TBC1D1: variants seen among roughly 807,000 people sequenced by gnomAD.
TBC1D1 encodes TBC1 (tre-2/USP6, BUB2, cdc16) domain family, member 1.
TBC1D1 carries 89 observed loss-of-function variants against 125.6 expected under a neutral mutation model. The ratio of observed to expected loss-of-function variants is 0.71; its 90% CI spans 0.60 to 0.85. TBC1D1 has a LOEUF of 0.85. Ranked by LOEUF, TBC1D1 falls within the 40% of genes least tolerant of loss-of-function variation. TBC1D1 has a pLI of 0.00. For missense variants in TBC1D1, 1,377 were observed against 1,469.2 expected, an observed-to-expected ratio of 0.94 and a Z score of 1.03; for synonymous variants, 565 against 564.1, an observed-to-expected ratio of 1.00 and a Z score of -0.02.
At chr4:38,033,537 T>C (rs1746616939) in intron 7 of TBC1D1, among the ~76,000 whole-genome samples, 1 of 152,216 alleles carries the variant, frequency 6.6e-6, no homozygotes, top group African/African-American at 2.4e-5. Flanking sequence ...TTATAATTGA[T>C]GAGCCAATAT....
rs1737540081 is a variant in TBC1D1 at position 37,995,210 on chromosome 4, T to C, written c.418-19299T>C. 6.6e-6 allele frequency among the ~76,000 whole-genome samples: 1 copy of C among 152,178 alleles called. No individual in the cohort carries two copies. The highest frequency in any genetic ancestry group is 1.5e-5 in the Non-Finnish European group (1 of 68,022). On this transcript the variant is annotated intron_variant, in intron 2 of 19. Transcript: ENST00000261439. This position sits in a 1 kb window ranked among gnomAD's most constrained non-coding sequence, Gnocchi z 4.3. ...AGGAGATGAGATTTTCTTCCTCATA[T>C]GCTAGGAGCCTGGACAGATAAAGGT...
At chr4:38,018,323 A>G in intron 3 of TBC1D1, 31 bp from the exon 4 acceptor site, 2 of 1,523,660 alleles carry the variant, frequency 1.3e-6, no homozygotes, top group Non-Finnish European at 1.8e-6. Context: ...AGAAAGTTTG[A>G]AAAGCTAGAT....
At chr4:38,021,248 C>T (rs574386770) in intron 5 of TBC1D1, among the ~76,000 whole-genome samples, 2 of 152,270 alleles carry the variant, frequency 1.3e-5, no homozygotes, top group South Asian at 4.1e-4. Context: ...CATAGAACAG[C>T]ACAGGAAAGA....
intron 2 of TBC1D1, among the ~76,000 whole-genome samples, chr4:38,001,322 C>T (rs953912175): frequency 3.3e-5 from 5 of 152,160 alleles, no homozygotes; most frequent in African/African-American, 1.2e-4. Flanking sequence ...TTAGAGCTTC[C>T]ATGCCTCTTT....
At position 38,089,923 on chromosome 4, in the gene TBC1D1, C is replaced by T; in HGVS notation, c.2051-9C>T. 3.9e-6 allele frequency: 6 copies of T among 1,553,676 alleles called. No homozygotes were observed. In the South Asian group the frequency reaches 4.9e-5, roughly 13 times the overall value. ...AATGACAATTCTGGAATGCCGTCTC[C>T]CTTTCCAGATTATTCAGAGCTGGGA... On this transcript the variant is annotated splice_polypyrimidine_tract_variant and intron_variant, in intron 12 of 19. Transcript: ENST00000261439.
At chr4:38,083,670 A>G (rs900161022) in intron 12 of TBC1D1, among the ~76,000 whole-genome samples, 3 of 152,256 alleles carry the variant, frequency 2.0e-5, no homozygotes, top group Non-Finnish European at 2.9e-5. Context: ...AAGTGATCAG[A>G]TAACCTGTTT....
At chr4:38,028,131 A>G (rs765368906) in intron 7 of TBC1D1, among the ~76,000 whole-genome samples, 1 of 144,120 alleles carries the variant, frequency 6.9e-6, no homozygotes, top group Non-Finnish European at 1.5e-5. Context: ...ACAAACAAAC[A>G]AAAAAAACAG....
chr4:38,018,939 T>G (rs1028906426), intron 4 of TBC1D1, among the ~76,000 whole-genome samples: 1 of 152,182 alleles, frequency 6.6e-6, no homozygotes, highest in African/African-American at 2.4e-5. Flanking sequence ...ATTAGATCTA[T>G]TTCTACTTTA....
intron 8 of TBC1D1, among the ~76,000 whole-genome samples, chr4:38,040,094 A>C (rs567069915): frequency 6.6e-6 from 1 of 152,148 alleles, no homozygotes; most frequent in African/African-American, 2.4e-5. Flanking sequence ...TAAACATTTT[A>C]TTTTAATTAT....
At chr4:38,050,054 G>A (rs1750213637) in intron 11 of TBC1D1, among the ~76,000 whole-genome samples, 156 bp downstream of exon 11, 1 of 152,208 alleles carries the variant, frequency 6.6e-6, no homozygotes, top group Admixed American at 6.5e-5. Context: ...GTTCGTTCGA[G>A]CTGCTTGTGA....
At position 38,014,981 on chromosome 4, in the gene TBC1D1, A is replaced by G. The variant is rs756910918; in HGVS notation, c.882+8A>G. 1 of 1,523,934 alleles carries G rather than the reference A, an allele frequency of 6.6e-7. No individual in the cohort carries two copies. The highest frequency in any genetic ancestry group is 8.8e-7 in the Non-Finnish European group (1 of 1,133,392). 94.4% of individuals were successfully genotyped at this position (1,523,934 alleles called of 1,614,324 possible). ...CGAACTATGCTCTTCACGGTAAAATATCACCCAGCTCGTGCACAGCCCCAG... is the reference window on the plus strand; with the variant it reads ...CGAACTATGCTCTTCACGGTAAAATGTCACCCAGCTCGTGCACAGCCCCAG... On this transcript the variant is annotated splice_region_variant and intron_variant, in intron 3 of 19. Coordinates refer to ENST00000261439, the MANE Select transcript of TBC1D1 (RefSeq NM_015173.4). The surrounding 1 kb of genome is among the most constrained non-coding windows in gnomAD (Gnocchi z 5.1).
chr4:38,033,505 T>C (rs1746611538), intron 7 of TBC1D1, among the ~76,000 whole-genome samples: 1 of 152,208 alleles, frequency 6.6e-6, no homozygotes, highest in Non-Finnish European at 1.5e-5. Context: ...TAACATATCT[T>C]GCATTACTGA....
At chr4:38,129,349 G>A (rs750753696) in intron 18 of TBC1D1, among the ~76,000 whole-genome samples, 19 of 152,188 alleles carry the variant, frequency 1.2e-4, no homozygotes, top group Admixed American at 2.0e-4. Flanking sequence ...GAGTAGTTTT[G>A]TACGAGGACA....
intron 14 of TBC1D1, among the ~76,000 whole-genome samples, chr4:38,098,853 C>G (rs1471177887): frequency 6.6e-6 from 1 of 151,806 alleles, no homozygotes; most frequent in East Asian, 1.9e-4. Context: ...CATAAAAGAC[C>G]CTGAAGTGAT....
Position 38,001,209 on chromosome 4 carries a change from G to A in TBC1D1, c.418-13300G>A, listed in dbSNP as rs537577565. Among the ~76,000 whole-genome samples the A allele has an allele frequency of 1.1e-3, 162 of 144,680 alleles. 1 individual carries two copies. Among genetic ancestry groups the A allele is most frequent in the African/African-American group, 4.2e-3 (155 of 36,794 alleles). 94.9% of individuals were successfully genotyped at this position (144,680 alleles called of 152,430 possible). Reference sequence around the variant, plus strand: ...GACTCCAGCCTGAGCAACAGAGTAAGACTCCGTCTCAAAAAAAGAAAGAAA... The same window carrying A: ...GACTCCAGCCTGAGCAACAGAGTAAAACTCCGTCTCAAAAAAAGAAAGAAA... On this transcript the variant is annotated intron_variant, in intron 2 of 19. Transcript: ENST00000261439.
At chr4:38,063,608 C>A (rs58077718) in intron 12 of TBC1D1, among the ~76,000 whole-genome samples, 21,582 of 151,970 alleles carry the variant, frequency 0.14, 1,653 homozygotes, top group Non-Finnish European at 0.15. Context: ...AGTTGTGTGA[C>A]CATGACCACA....
At chr4:37,986,142 G>A (rs1199262865) in intron 2 of TBC1D1, among the ~76,000 whole-genome samples, 1 of 152,162 alleles carries the variant, frequency 6.6e-6, no homozygotes, top group Non-Finnish European at 1.5e-5. Flanking sequence ...GCTTAGGGTG[G>A]TGGTCATTCT....
rs1310328203 is a variant in TBC1D1, at chr4:37,891,230, G to T, written c.-212G>T. ...GCCCCCTCCCCGTCCCCCCGCGGCG[G>T]GAAGAGCGCAGCCAGCCGGGTGCGA... On this transcript the variant is annotated 5_prime_UTR_variant, in exon 1 of 20. Coordinates refer to ENST00000261439, the MANE Select transcript of TBC1D1 (RefSeq NM_015173.4). The T allele has an allele frequency of 6.5e-6, 1 of 152,850 alleles. No homozygotes were observed. The highest frequency in any genetic ancestry group is 1.5e-5 in the Non-Finnish European group (1 of 68,688). 9.5% of individuals were successfully genotyped at this position (152,850 alleles called of 1,614,324 possible). A position where few individuals can be genotyped will look rare whatever the true frequency, so the allele number is the denominator to read the frequency against.
At chr4:38,082,820 A>G (rs945296038) in intron 12 of TBC1D1, among the ~76,000 whole-genome samples, 4 of 152,036 alleles carry the variant, frequency 2.6e-5, no homozygotes, top group African/African-American at 9.7e-5. Flanking sequence ...TGCTCCTCTG[A>G]GCTGTTGTCA....
Sources: gnomAD v4.1 joint callset for allele counts (sites outside exome capture counted in the v4.1 genomes callset) on GRCh38, gnomAD v4.1.1 for gene constraint, Gnocchi (gnomAD v3.1) non-coding constraint, MANE v1.5 for transcripts, NCBI Gene and HGNC (gene_info 2026-07-23, HGNC 2026-07-21) for gene names.